The following PTPRM variants were observed in gnomAD, a reference collection of about 807,000 sequenced individuals.
The protein encoded by PTPRM is protein tyrosine phosphatase receptor type M, also known as receptor-type tyrosine-protein phosphatase mu.
A neutral mutation model predicts 186.7 loss-of-function variants in PTPRM; 47 were observed. That is an observed-to-expected ratio of 0.25 (90% CI 0.20 to 0.32). The LOEUF (loss-of-function observed/expected upper bound fraction) is 0.32. Among genes scored for constraint, PTPRM ranks in the 10% least tolerant of loss-of-function variants. The pLI, the probability that PTPRM is intolerant of heterozygous loss-of-function variation, is 1.00. For missense variants in PTPRM, 1,494 were observed against 1,865.0 expected (o/e 0.80, Z 3.66); for synonymous variants, 668 against 674.9 (o/e 0.99, Z 0.16).
chr18:7,613,233 G>A (rs2037720750), intron 1 of PTPRM, among the ~76,000 whole-genome samples: 1 of 152,100 alleles, frequency 6.6e-6, no homozygotes, highest in Non-Finnish European at 1.5e-5. Context: ...TGGAGATTTT[G>A]AAGACTGTTC....
chr18:8,063,754 A>C (rs1248445030), intron 7 of PTPRM, among the ~76,000 whole-genome samples: 2 of 152,192 alleles, frequency 1.3e-5, no homozygotes, highest in African/African-American at 4.8e-5. Flanking sequence ...TAACTTAAAA[A>C]AATTCTCAAA....
At chr18:8,042,876 G>A (rs1441855881) in intron 7 of PTPRM, among the ~76,000 whole-genome samples, 1 of 151,946 alleles carries the variant, frequency 6.6e-6, no homozygotes, top group Non-Finnish European at 1.5e-5. Context: ...CATTTTCTTG[G>A]TCCAGGCCTC....
At chr18:7,781,335 C>G (rs1297215868) in intron 2 of PTPRM, among the ~76,000 whole-genome samples, 1 of 152,088 alleles carries the variant, frequency 6.6e-6, no homozygotes, top group Non-Finnish European at 1.5e-5. Context: ...CTATTAATAT[C>G]TCAAATGAAA....
Position 8,378,280 on chromosome 18 carries a change from A to C in PTPRM, c.3478A>C (p.Ile1160Leu). Residue 1160 changes from isoleucine (I) to leucine (L), a missense_variant, in exon 27 of 33, where the codon ATC becomes CTC. By Grantham distance (5) the Ile-to-Leu change is conservative. Around this residue, in one of 3 missense-constraint regions of PTPRM, gnomAD observed 1,107 missense variants for 1,350.2 expected, o/e 0.82. Coordinates refer to ENST00000580170, the MANE Select transcript of PTPRM (RefSeq NM_001105244.2). ...CCTTCTCCAGGAGCAGTATGTGTTT[A>C]TCCACGATGCGATCCTGGAAGCCTG... ...MVQTEEQYVFIHDAILEACLC... is the reference protein window; with the variant it reads ...MVQTEEQYVFLHDAILEACLC... 6.2e-7 allele frequency: 1 copy of C among 1,612,010 alleles called. No individual in the cohort carries two copies. Among genetic ancestry groups the C allele is most frequent in the Non-Finnish European group, 8.5e-7 (1 of 1,178,088 alleles).
chr18:7,619,649 C>G (rs973242853), intron 1 of PTPRM, among the ~76,000 whole-genome samples: 1 of 152,196 alleles, frequency 6.6e-6, no homozygotes. Context: ...TTCACGCTCT[C>G]GTCATCTGTT....
At chr18:8,086,633 T>G (rs2090448623) in intron 10 of PTPRM, among the ~76,000 whole-genome samples, 1 of 152,168 alleles carries the variant, frequency 6.6e-6, no homozygotes, top group Non-Finnish European at 1.5e-5. Context: ...GGAAAGGAGC[T>G]AACTCTTGTT....
chr18:8,148,301 TATTA>T (rs1361117416), intron 14 of PTPRM, among the ~76,000 whole-genome samples: 1 of 152,232 alleles, frequency 6.6e-6, no homozygotes, highest in Non-Finnish European at 1.5e-5. Flanking sequence ...GTTGGTAGGC[TATTA>T]ATTACTGCCT....
rs2095725136 is a variant in PTPRM, at chr18:8,380,372, T to C, written c.3863T>C (p.Val1288Ala). ...ACAGTGAAAGACTTTTGGAGACTGG[T>C]CCTGGATTATCACTGCACATCCGTA... The part of the protein sequence containing the change: ...PNTVKDFWRL[V>A]LDYHCTSVVM... Residue 1288 changes from valine (V) to alanine (A), a missense_variant, in exon 29 of 33, where the codon GTC becomes GCC. By Grantham distance (64) the Val-to-Ala change is moderately conservative. Transcript: ENST00000580170. 1 of 1,614,216 alleles carries C rather than the reference T, an allele frequency of 6.2e-7. No homozygotes were observed. The highest frequency in any genetic ancestry group is 1.3e-5 in the African/African-American group (1 of 75,044).
At chr18:8,263,938 T>G (rs2094666399) in intron 19 of PTPRM, among the ~76,000 whole-genome samples, 1 of 152,174 alleles carries the variant, frequency 6.6e-6, no homozygotes, top group Non-Finnish European at 1.5e-5. Context: ...AGTGAATAAA[T>G]TAAACCTAAG....
chr18:8,205,785 A>G (rs1278081678), intron 14 of PTPRM, among the ~76,000 whole-genome samples: 2 of 152,088 alleles, frequency 1.3e-5, no homozygotes, highest in Non-Finnish European at 2.9e-5. Context: ...TGCATAATGA[A>G]TTTTATTATC....
At chr18:7,866,673 G>A (rs1372631466) in intron 2 of PTPRM, among the ~76,000 whole-genome samples, 1 of 152,168 alleles carries the variant, frequency 6.6e-6, no homozygotes, top group Non-Finnish European at 1.5e-5. Flanking sequence ...GTTGATTTGG[G>A]GTGGAGAGTT....
At chr18:8,145,771 C>T (rs79981250) in intron 14 of PTPRM, among the ~76,000 whole-genome samples, 3 of 152,104 alleles carry the variant, frequency 2.0e-5, no homozygotes, top group Non-Finnish European at 2.9e-5. Context: ...TTTGCTATTG[C>T]GAATAGTGCC....
intron 14 of PTPRM, among the ~76,000 whole-genome samples, chr18:8,222,673 C>T (rs1251536606): frequency 6.6e-6 from 1 of 152,202 alleles, no homozygotes; most frequent in Non-Finnish European, 1.5e-5. Flanking sequence ...TATTATTCTC[C>T]TGCTCAGCAG....
At chr18:7,570,078 A>G (rs1284022413) in intron 1 of PTPRM, among the ~76,000 whole-genome samples, 1 of 152,116 alleles carries the variant, frequency 6.6e-6, no homozygotes, top group African/African-American at 2.4e-5. Flanking sequence ...GTGAGCTATG[A>G]TTGCACCACT....
intron 1 of PTPRM, among the ~76,000 whole-genome samples, chr18:7,629,100 G>A (rs1025410842): frequency 2.6e-5 from 4 of 152,188 alleles, no homozygotes; most frequent in Admixed American, 2.0e-4. Context: ...ACTCATGGAA[G>A]CAGCCTCAGA....
intron 14 of PTPRM, among the ~76,000 whole-genome samples, chr18:8,237,748 G>A (rs1047897560): frequency 6.6e-6 from 1 of 152,064 alleles, no homozygotes; most frequent in African/African-American, 2.4e-5. Context: ...ACCTGGCCCA[G>A]ATTCCCTCAA....
chr18:8,264,760 G>A (rs998314352), intron 19 of PTPRM, among the ~76,000 whole-genome samples: 4 of 134,440 alleles, frequency 3.0e-5, no homozygotes, highest in Non-Finnish European at 1.5e-5. Flanking sequence ...TGGTGACAGA[G>A]CAAGACTCCA....
chr18:7,855,258 C>G (rs922568347), intron 2 of PTPRM, among the ~76,000 whole-genome samples: 2 of 152,140 alleles, frequency 1.3e-5, no homozygotes, highest in African/African-American at 4.8e-5. Context: ...GTATTCCAGA[C>G]ATTATGTGAC....
At chr18:8,283,390 C>G (rs1166372595) in intron 19 of PTPRM, among the ~76,000 whole-genome samples, 1 of 152,136 alleles carries the variant, frequency 6.6e-6, no homozygotes, top group East Asian at 1.9e-4. Context: ...CATAATGATT[C>G]TTTAATTAAC....
Sources: allele counts gnomAD v4.1 joint callset (sites outside exome capture counted in the v4.1 genomes callset), GRCh38; gene constraint gnomAD v4.1.1; regional missense constraint gnomAD v4.1.1; transcripts MANE v1.5; gene names NCBI Gene and HGNC (gene_info 2026-07-23, HGNC 2026-07-21).